The following S100Z variants were observed in gnomAD, a reference collection of about 807,000 sequenced individuals.
S100Z encodes protein S100-Z.
S100Z carries 11 observed loss-of-function variants against 8.5 expected under a neutral mutation model. That is an observed-to-expected ratio of 1.30 (90% confidence interval 0.82 to 2.15). The LOEUF is 2.15. Among genes scored for constraint, S100Z ranks in the 30% most tolerant of loss-of-function variants. The pLI is 0.00. For missense variants in S100Z, 126 were observed against 117.9 expected (o/e 1.07, Z -0.32); for synonymous variants, 34 against 43.8 (o/e 0.78, Z 0.89).
chr5:76,919,387 T>G (rs2150688417), intron 4 of S100Z, among the ~76,000 whole-genome samples: 1 of 152,356 alleles, frequency 6.6e-6, no homozygotes, highest in East Asian at 1.9e-4. Flanking sequence ...GCCATTCTAA[T>G]AAGTATGCAG....
intron 4 of S100Z, among the ~76,000 whole-genome samples, chr5:76,889,677 T>TTGAAACATC (rs1404513188): frequency 1.3e-5 from 2 of 152,248 alleles, no homozygotes; most frequent in Non-Finnish European, 2.9e-5. Context: ...AGATTTCAAA[T>TTGAAACATC]AAGTAAGAAT....
intron 4 of S100Z, among the ~76,000 whole-genome samples, chr5:76,882,746 C>T (rs972336387): frequency 2.0e-5 from 3 of 152,160 alleles, no homozygotes; most frequent in South Asian, 4.1e-4. Flanking sequence ...GTCCGTGAAG[C>T]CTTGTGGCAG....
intron 4 of S100Z, among the ~76,000 whole-genome samples, chr5:76,898,301 C>T (rs1245623605): frequency 2.0e-5 from 3 of 152,208 alleles, no homozygotes; most frequent in South Asian, 2.1e-4. Flanking sequence ...CAAGCATGCA[C>T]ATCATGCCTA....
At chr5:76,861,544 G>A (rs1751056572) in intron 1 of S100Z, among the ~76,000 whole-genome samples, 1 of 152,116 alleles carries the variant, frequency 6.6e-6, no homozygotes, top group Non-Finnish European at 1.5e-5. Flanking sequence ...TCGCCATGTT[G>A]GCCAGGCTGG....
At chr5:76,935,211 C>A in the S100Z span, among the ~76,000 whole-genome samples, 1 of 152,198 alleles carries the variant, frequency 6.6e-6, no homozygotes, top group Admixed American at 6.5e-5. Context: ...ACTAAAAACT[C>A]ACCTTCAGGA....
chr5:76,924,214 T>A (rs1043010273), downstream of S100Z, among the ~76,000 whole-genome samples: 1 of 152,184 alleles, frequency 6.6e-6, no homozygotes, highest in Non-Finnish European at 1.5e-5. Flanking sequence ...CCCCTAAAAA[T>A]CATTTACTAT....
chr5:76,919,501 G>C (rs545124004), intron 4 of S100Z, among the ~76,000 whole-genome samples: 3 of 151,392 alleles, frequency 2.0e-5, no homozygotes, highest in South Asian at 4.2e-4. Flanking sequence ...TGAGGTATCT[G>C]TTCAGGTCTT....
At chr5:76,875,123 C>G (rs1407450954) in intron 2 of S100Z, among the ~76,000 whole-genome samples, 181 bp from the exon 3 acceptor site, 4 of 152,128 alleles carry the variant, frequency 2.6e-5, no homozygotes, top group African/African-American at 9.7e-5. Flanking sequence ...GATCTTCTGA[C>G]CTTGTGATCC....
At position 76,875,450 on chromosome 5, in the gene S100Z, A is replaced by G. The variant is rs1203188422; in HGVS notation, c.91A>G (p.Lys31Glu). The G allele has an allele frequency of 1.2e-6, 2 of 1,612,770 alleles. No individual in the cohort carries two copies. The highest frequency in any genetic ancestry group is 1.7e-6 in the Non-Finnish European group (2 of 1,179,524). The change falls in exon 3 of 5, where the codon AAG becomes GAG. Residue 31 changes from lysine (K) to glutamate (E), a missense_variant. Transcript: ENST00000317593. The stretch of plus-strand genomic sequence containing the variant: ...GGAAAGGAAGAGATTCAAGCTCAGC[A>G]AGGGGGAACTGAAACTGCTCCTGCA... ...GKERKRFKLSKGELKLLLQRE... is the reference protein window; with the variant it reads ...GKERKRFKLSEGELKLLLQRE...
intron 4 of S100Z, among the ~76,000 whole-genome samples, chr5:76,898,847 G>A (rs1744130518): frequency 6.6e-6 from 1 of 151,738 alleles, no homozygotes; most frequent in Non-Finnish European, 1.5e-5. Flanking sequence ...CTATTTTTTG[G>A]AATAGTTTGA....
At chr5:76,883,604 G>A (rs1336121765) in intron 4 of S100Z, among the ~76,000 whole-genome samples, 1 of 152,194 alleles carries the variant, frequency 6.6e-6, no homozygotes, top group Non-Finnish European at 1.5e-5. Context: ...AAGGGTCTGT[G>A]ATGGTCCAGG....
the S100Z span, among the ~76,000 whole-genome samples, chr5:76,937,257 C>T: frequency 1.3e-5 from 2 of 150,902 alleles, no homozygotes; most frequent in African/African-American, 4.9e-5. Flanking sequence ...AAAAAAAAAG[C>T]AGGGGAATGA....
chr5:76,942,776 G>A, the S100Z span, among the ~76,000 whole-genome samples: 3 of 152,224 alleles, frequency 2.0e-5, no homozygotes, highest in Non-Finnish European at 4.4e-5. Flanking sequence ...CTCACAGATG[G>A]TGATTCAGCT....
intron 2 of S100Z, 134 bp from the exon 3 acceptor site, chr5:76,875,170 C>G: frequency 2.3e-6 from 1 of 438,598 alleles, no homozygotes; most frequent in Non-Finnish European, 4.0e-6. Context: ...GGATTACAGG[C>G]TTGAGCCACC....
At chr5:76,919,739 T>A (rs763643461) in intron 4 of S100Z, among the ~76,000 whole-genome samples, 10 of 151,636 alleles carry the variant, frequency 6.6e-5, no homozygotes, top group Non-Finnish European at 1.5e-4. Flanking sequence ...CCCGAGTAGC[T>A]GGGACTACAA....
At chr5:76,952,654 A>C in the S100Z span, 1 of 154,128 alleles carries the variant, frequency 6.5e-6, no homozygotes, top group South Asian at 2.0e-4. Context: ...TTATGTGATG[A>C]GGCTGCATAA....
downstream of S100Z, among the ~76,000 whole-genome samples, chr5:76,925,159 TAGAGAGAG>T (rs3060357): frequency 1.3e-4 from 19 of 151,142 alleles, no homozygotes; most frequent in Admixed American, 4.6e-4. Context: ...AGTGGCTAGA[TAGAGAGAG>T]AGAGAGGAAG....
At chr5:76,899,180 C>T (rs944012757) in intron 4 of S100Z, among the ~76,000 whole-genome samples, 1 of 152,066 alleles carries the variant, frequency 6.6e-6, no homozygotes, top group Admixed American at 6.6e-5. Flanking sequence ...GTGATCCACC[C>T]ACCTCAGCCT....
At chr5:76,948,092 G>A in the S100Z span, among the ~76,000 whole-genome samples, 298 of 152,142 alleles carry the variant, frequency 2.0e-3, 2 homozygotes, top group African/African-American at 6.8e-3. Flanking sequence ...TTGGGAGGCC[G>A]AGGCAGGTGG....
Sources: allele counts gnomAD v4.1 joint callset (sites outside exome capture counted in the v4.1 genomes callset), GRCh38; gene constraint gnomAD v4.1.1; transcripts MANE v1.5; gene names NCBI Gene and HGNC (gene_info 2026-07-23, HGNC 2026-07-21).